Variants in KIAA1217 observed in about 807,000 individuals in gnomAD.
The protein encoded by KIAA1217 is KIAA1217.
In KIAA1217, 88 loss-of-function variants were observed where a neutral mutation model predicts 163.9. The ratio of observed to expected loss-of-function variants is 0.54; its 90% CI spans 0.45 to 0.64. The LOEUF is 0.64. KIAA1217 is among the 30% of genes least tolerant of loss of function. The pLI is 0.00. For missense variants in KIAA1217, 2,372 were observed against 2,475.0 expected, an observed-to-expected ratio of 0.96 and a Z score of 0.88; for synonymous variants, 903 against 923.1, an observed-to-expected ratio of 0.98 and a Z score of 0.39.
At chr10:24,316,063 A>T (rs10828626) in intron 2 of KIAA1217, among the ~76,000 whole-genome samples, 19,566 of 152,046 alleles carry the variant, frequency 0.13, 2,078 homozygotes, top group African/African-American at 0.29. Context: ...TGCATTGTGG[A>T]GCCCAGTCTA....
intron 1 of KIAA1217, among the ~76,000 whole-genome samples, chr10:23,854,281 C>T (rs1244609797): frequency 6.6e-6 from 1 of 152,128 alleles, no homozygotes; most frequent in African/African-American, 2.4e-5. Flanking sequence ...ACCCAGTAGT[C>T]ATTCAGGAGC....
chr10:24,371,512 C>T (rs2051644673), intron 2 of KIAA1217, among the ~76,000 whole-genome samples: 1 of 152,172 alleles, frequency 6.6e-6, no homozygotes. Flanking sequence ...ATGCAATCTG[C>T]ATGTCTGAAA....
At chr10:24,275,855 G>A in intron 2 of KIAA1217, 1 of 449,612 alleles carries the variant, frequency 2.2e-6, no homozygotes, top group East Asian at 6.0e-5. Flanking sequence ...TCATCTGCAG[G>A]AGCAAACTAT....
intron 17 of KIAA1217, among the ~76,000 whole-genome samples, chr10:24,541,021 A>G (rs10828668): frequency 0.62 from 94,463 of 151,576 alleles, 30,016 homozygotes; most frequent in Middle Eastern, 0.74. Flanking sequence ...CACCCACCTT[A>G]GCCTCCCAAA....
chr10:24,315,847 C>G (rs1225172312), intron 2 of KIAA1217, among the ~76,000 whole-genome samples: 2 of 150,038 alleles, frequency 1.3e-5, no homozygotes, highest in East Asian at 2.0e-4. Flanking sequence ...TTTATACTTC[C>G]TACATTTTGT....
chr10:23,773,845 T>G (rs539481139), intron 1 of KIAA1217, among the ~76,000 whole-genome samples: 515 of 152,282 alleles, frequency 3.4e-3, no homozygotes, highest in African/African-American at 0.011. Flanking sequence ...CTTATCAGCT[T>G]AAGGAGATTT....
chr10:23,701,019 G>C (rs563099235), intron 1 of KIAA1217, among the ~76,000 whole-genome samples: 2 of 152,160 alleles, frequency 1.3e-5, no homozygotes, highest in African/African-American at 4.8e-5. Context: ...AAATAAATGG[G>C]AATAAAATAG....
chr10:23,780,744 C>T (rs1293632222), intron 1 of KIAA1217, among the ~76,000 whole-genome samples: 2 of 152,056 alleles, frequency 1.3e-5, no homozygotes, highest in African/African-American at 4.8e-5. Context: ...GCAGTGGTGC[C>T]ATCTCAGCTC....
At chr10:24,366,738 C>T (rs1474849651) in intron 2 of KIAA1217, among the ~76,000 whole-genome samples, 1 of 152,196 alleles carries the variant, frequency 6.6e-6, no homozygotes, top group Non-Finnish European at 1.5e-5. Context: ...ATCAAGATGG[C>T]AGCCTCAGAC....
At chr10:24,014,483 T>G (rs1847385501) in intron 2 of KIAA1217, among the ~76,000 whole-genome samples, 1 of 152,140 alleles carries the variant, frequency 6.6e-6, no homozygotes, top group African/African-American at 2.4e-5. Context: ...AACAAAAGAC[T>G]GAAATGAGAG....
rs151027148 is a variant in KIAA1217 at position 24,524,621 on chromosome 10, G to T, written c.2755G>T (p.Val919Phe). Reference sequence around the variant, plus strand: ...GCCTCACGTGGCCAGCTCCCCAGCCGTCCCCCAGGAAGCAACCTCCACTCT... The same window carrying T: ...GCCTCACGTGGCCAGCTCCCCAGCCTTCCCCCAGGAAGCAACCTCCACTCT... ...NLPHVASSPA[V>F]PQEATSTLQM... Residue 919 changes from valine (V) to phenylalanine (F), a missense_variant, in exon 13 of 21, where the codon GTC becomes TTC. This residue lies in a region of KIAA1217 where 1,431 missense variants were observed against 1,470.3 expected (regional missense o/e 0.97). Transcript: ENST00000376454. 1 of 1,613,894 alleles carries T rather than the reference G, an allele frequency of 6.2e-7. No individual in the cohort carries two copies. Among genetic ancestry groups the T allele is most frequent in the South Asian group, 1.1e-5 (1 of 91,086 alleles).
chr10:24,536,727 C>G (rs777325382), intron 16 of KIAA1217, 47 bp from the exon 17 acceptor site: 1 of 1,601,318 alleles, frequency 6.2e-7, no homozygotes, highest in Admixed American at 1.7e-5. Flanking sequence ...CTCCATTCTC[C>G]TCAGTACCCT....
In KIAA1217 at chr10:23,714,500, A is replaced by G. The variant is rs75682490; in HGVS notation, c.-321+19266A>G. On this transcript the variant is annotated intron_variant, in intron 1 of 18. Coordinates refer to the KIAA1217 transcript ENST00000376462. ...GGTAGAGTCCTTCCTCAATCAATCA[A>G]TTGCAACTTGGACTTTCCTGAATAC... is the stretch of plus-strand genomic sequence containing the variant. 1.8e-3 allele frequency among the ~76,000 whole-genome samples: 280 copies of G among 152,132 alleles called. 2 individuals carry two copies. Among genetic ancestry groups the G allele is most frequent in the East Asian group, 0.014 (70 of 5,168 alleles).
chr10:24,061,522 T>C (rs145630428), intron 2 of KIAA1217, among the ~76,000 whole-genome samples: 1 of 152,348 alleles, frequency 6.6e-6, no homozygotes, highest in African/African-American at 2.4e-5. Flanking sequence ...TACTGTTTAG[T>C]GTCCTTTGTT....
intron 1 of KIAA1217, among the ~76,000 whole-genome samples, chr10:23,696,704 G>A (rs1018466377): frequency 2.0e-5 from 3 of 152,186 alleles, no homozygotes; most frequent in African/African-American, 7.2e-5. Context: ...GGAAGGGCAG[G>A]TGCTACCTGG....
rs868557694 is a variant in KIAA1217 at position 23,790,042 on chromosome 10, T to C, written c.-321+94808T>C. Among the ~76,000 whole-genome samples, 76 of 119,102 alleles carry C rather than the reference T, an allele frequency of 6.4e-4. 10 individuals are homozygous for C. The highest frequency in any genetic ancestry group is 4.7e-3 in the Middle Eastern group (1 of 214). 78.1% of individuals were successfully genotyped at this position (119,102 alleles called of 152,430 possible). ...ACACATATGCATATACACATATACATATGCATATACACATATACACATATG... is the reference window on the plus strand; with the variant it reads ...ACACATATGCATATACACATATACACATGCATATACACATATACACATATG... On this transcript the variant is annotated intron_variant, in intron 1 of 18. Transcript: ENST00000376462.
At chr10:23,857,803 A>G (rs186823970) in intron 1 of KIAA1217, among the ~76,000 whole-genome samples, 7 of 152,258 alleles carry the variant, frequency 4.6e-5, no homozygotes, top group African/African-American at 1.7e-4. Context: ...AGCTATTTAG[A>G]TTTATGGATG....
chr10:24,299,717 T>TA (rs1263607822), intron 2 of KIAA1217, among the ~76,000 whole-genome samples: 1 of 152,168 alleles, frequency 6.6e-6, no homozygotes, highest in Non-Finnish European at 1.5e-5. Flanking sequence ...TCCTTTTCAG[T>TA]AGTCACTTTT....
chr10:24,208,520 C>G (rs141268988), upstream of KIAA1217, among the ~76,000 whole-genome samples: 1 of 152,154 alleles, frequency 6.6e-6, no homozygotes, highest in East Asian at 1.9e-4. Context: ...TATACCTCTT[C>G]ATAGATGTTA....
Sources: gnomAD v4.1 joint callset for allele counts (sites outside exome capture counted in the v4.1 genomes callset) on GRCh38, gnomAD v4.1.1 for gene constraint, gnomAD v4.1.1 regional missense constraint, MANE v1.5 for transcripts, NCBI Gene and HGNC (gene_info 2026-07-23, HGNC 2026-07-21) for gene names.